Variants in YAF2 observed in about 807,000 individuals in gnomAD.
YAF2 encodes YY1-associated factor 2.
A neutral mutation model predicts 20.1 loss-of-function variants in YAF2; 7 were observed. The ratio of observed to expected loss-of-function variants is 0.35; its 90% CI spans 0.20 to 0.65. YAF2 has a LOEUF of 0.65. Among genes scored for constraint, YAF2 ranks in the 30% least tolerant of loss-of-function variants. The probability of loss-of-function intolerance (pLI) is 0.69; values close to 1 mark genes in which losing one functional copy is unlikely to be tolerated. For missense variants in YAF2, 151 were observed against 219.2 expected (o/e 0.69, Z 1.96); for synonymous variants, 74 against 76.0 (o/e 0.97, Z 0.14).
intron 2 of YAF2, chr12:42,232,511 CAAGT>C (rs2068012418): frequency 1.0e-6 from 1 of 985,208 alleles, no homozygotes; most frequent in South Asian, 4.7e-5. Context: ...AAAAAACAAA[CAAGT>C]AAGAAATCTC....
intron 2 of YAF2, chr12:42,233,898 C>G (rs1328765975): frequency 3.0e-6 from 3 of 985,330 alleles, no homozygotes; most frequent in Non-Finnish European, 2.4e-6. Flanking sequence ...AGGCTGGGCA[C>G]AGTGTCTCAC....
chr12:42,169,387 T>C (rs1327646978), intron 2 of YAF2, among the ~76,000 whole-genome samples: 2 of 152,118 alleles, frequency 1.3e-5, no homozygotes, highest in Admixed American at 6.6e-5. Context: ...GGTTACTTCA[T>C]GCTGTTCTTA....
chr12:42,193,271 C>T lies in YAF2; in HGVS notation c.153-31506G>A, dbSNP rs144060115. Among the ~76,000 whole-genome samples, 1,069 of 150,414 alleles carry T rather than the reference C, an allele frequency of 7.1e-3. 8 individuals carry two copies. Among genetic ancestry groups the T allele is most frequent in the Non-Finnish European group, 0.011 (745 of 67,718 alleles). On this transcript the variant is annotated intron_variant, in intron 2 of 3. Transcript: ENST00000534854. ...CGGAGGCTGCAGTGAACCGAGATTG[C>T]GCTGCTGCACCCCAGCCTGGGCGAC...
Position 42,159,154 on chromosome 12 carries a change from G to T in YAF2, c.*1435C>A, listed in dbSNP as rs1314999031. On this transcript the variant is annotated 3_prime_UTR_variant, in exon 4 of 4. Transcript: ENST00000534854. ...CTGTAAAAAGTACTGTAATTAAACA[G>T]AAAATTACATTACCACATGAAACCA... 3.3e-5 allele frequency: 5 copies of T among 152,072 alleles called. No individual in the cohort carries two copies. Among genetic ancestry groups the T allele is most frequent in the Admixed American group, 3.3e-4 (5 of 15,248 alleles). 9.4% of individuals were successfully genotyped at this position (152,072 alleles called of 1,614,324 possible). A position where few individuals can be genotyped will look rare whatever the true frequency, so the allele number is the denominator to read the frequency against.
At chr12:42,205,643 G>C (rs2067020352) in intron 2 of YAF2, among the ~76,000 whole-genome samples, 1 of 152,120 alleles carries the variant, frequency 6.6e-6, no homozygotes, top group African/African-American at 2.4e-5. Flanking sequence ...AAAGTGCTGG[G>C]ATTACAGACG....
At chr12:42,210,239 A>T in intron 2 of YAF2, 2 of 519,108 alleles carry the variant, frequency 3.9e-6, no homozygotes, top group Non-Finnish European at 6.7e-6. Context: ...TATCAAATGT[A>T]CAAAAAGAAG....
At chr12:42,168,288 C>T (rs2065962485) in intron 2 of YAF2, among the ~76,000 whole-genome samples, 1 of 151,204 alleles carries the variant, frequency 6.6e-6, no homozygotes, top group African/African-American at 2.4e-5. Flanking sequence ...AAGTGATTCT[C>T]CTGCCTCAGC....
chr12:42,187,695 T>C (rs1251808572), intron 2 of YAF2, among the ~76,000 whole-genome samples: 1 of 152,178 alleles, frequency 6.6e-6, no homozygotes, highest in East Asian at 1.9e-4. Context: ...AATACCTTAA[T>C]ATATTGTCTT....
At chr12:42,201,464 C>T (rs1296778145) in intron 2 of YAF2, among the ~76,000 whole-genome samples, 1 of 152,176 alleles carries the variant, frequency 6.6e-6, no homozygotes, top group Non-Finnish European at 1.5e-5. Context: ...TTATGTGTAT[C>T]ATCTTATTCT....
At chr12:42,211,575 T>A (rs1039110002) in intron 2 of YAF2, among the ~76,000 whole-genome samples, 2 of 150,572 alleles carry the variant, frequency 1.3e-5, no homozygotes, top group Non-Finnish European at 3.0e-5. Context: ...CATAACCCCA[T>A]CTCTACTAAA....
At chr12:42,176,537 G>A (rs900355395) in intron 2 of YAF2, among the ~76,000 whole-genome samples, 1 of 152,180 alleles carries the variant, frequency 6.6e-6, no homozygotes, top group Non-Finnish European at 1.5e-5. Flanking sequence ...CTTAGAAGCA[G>A]TATTTATTCC....
rs567771454 is a variant in YAF2, at chr12:42,224,438, T to C, written c.152+13161A>G. ...ACATGTGCAGAACCTCCAGGTTTGT[T>C]ACATAGGTATACACGTGCCATAGTG... is the stretch of plus-strand genomic sequence containing the variant. On this transcript the variant is annotated intron_variant, in intron 2 of 3. Transcript: ENST00000534854. 4.6e-5 allele frequency among the ~76,000 whole-genome samples: 7 copies of C among 152,314 alleles called. No homozygotes were observed. The South Asian group carries it at 1.4e-3, about 32-fold the overall frequency.
intron 2 of YAF2, among the ~76,000 whole-genome samples, chr12:42,230,525 A>G (rs528864984): frequency 4.6e-5 from 7 of 152,300 alleles, no homozygotes; most frequent in African/African-American, 1.7e-4. Context: ...TAGGTTTCAA[A>G]AAAGATAATG....
intron 2 of YAF2, among the ~76,000 whole-genome samples, chr12:42,184,260 A>C (rs2066416620): frequency 6.6e-6 from 1 of 152,182 alleles, no homozygotes; most frequent in Non-Finnish European, 1.5e-5. Context: ...CACAGCATCC[A>C]TTCTGCAGCC....
chr12:42,232,875 A>G, intron 2 of YAF2: 3 of 985,324 alleles, frequency 3.0e-6, no homozygotes, highest in Non-Finnish European at 3.6e-6. Flanking sequence ...TCAGTTATAA[A>G]CAACATATAT....
chr12:42,209,762 T>A (rs187745482), intron 2 of YAF2, among the ~76,000 whole-genome samples: 1 of 152,164 alleles, frequency 6.6e-6, no homozygotes, highest in East Asian at 1.9e-4. Context: ...TATATTGCTT[T>A]AGAACAACTA....
intron 2 of YAF2, among the ~76,000 whole-genome samples, chr12:42,186,535 G>A (rs2066478483): frequency 6.6e-6 from 1 of 151,998 alleles, no homozygotes; most frequent in South Asian, 2.1e-4. Flanking sequence ...AATTAGCTGG[G>A]CATAGTGGCG....
intron 3 of YAF2, chr12:42,161,301 T>C (rs999889840): frequency 1.1e-5 from 3 of 266,530 alleles, no homozygotes; most frequent in South Asian, 1.1e-4. Context: ...ATCTGTTCGG[T>C]ATGTTGAAAA....
At chr12:42,230,150 A>C (rs1276436696) in intron 2 of YAF2, among the ~76,000 whole-genome samples, 1 of 152,074 alleles carries the variant, frequency 6.6e-6, no homozygotes, top group Non-Finnish European at 1.5e-5. Context: ...CCAGCTACTC[A>C]GGAGGCTGAG....
Sources: allele counts gnomAD v4.1 joint callset (sites outside exome capture counted in the v4.1 genomes callset), GRCh38; gene constraint gnomAD v4.1.1; transcripts MANE v1.5; gene names NCBI Gene and HGNC (gene_info 2026-07-23, HGNC 2026-07-21).